ST6GALNAC1: variants seen among roughly 807,000 people sequenced by gnomAD.
ST6GALNAC1 encodes ST6 N-acetylgalactosaminide alpha-2,6-sialyltransferase 1.
A neutral mutation model predicts 56.8 loss-of-function variants in ST6GALNAC1; 45 were observed. The observed-to-expected ratio is 0.79, with a 90% CI of 0.62 to 1.02. The LOEUF is 1.02. Among genes scored for constraint, ST6GALNAC1 ranks in the 50% least tolerant of loss-of-function variants. The pLI is 0.00. For synonymous variants in ST6GALNAC1, 295 were observed against 297.8 expected (o/e 0.99, Z 0.10); for missense variants, 743 against 754.8 (o/e 0.98, Z 0.18).
intron 1 of ST6GALNAC1, among the ~76,000 whole-genome samples, chr17:76,638,886 T>C (rs560873134): frequency 6.7e-6 from 1 of 149,040 alleles, no homozygotes; most frequent in Admixed American, 6.7e-5. Context: ...GGCCTCAGAA[T>C]TGTCTTGAAG....
chr17:76,621,594 G>A (rs1379765108), downstream of ST6GALNAC1, among the ~76,000 whole-genome samples: 1 of 152,124 alleles, frequency 6.6e-6, no homozygotes, highest in Non-Finnish European at 1.5e-5. Flanking sequence ...TCCTGCCTCA[G>A]CCTCCCAAGT....
the ST6GALNAC1 span, among the ~76,000 whole-genome samples, chr17:76,619,164 A>G: frequency 6.6e-6 from 1 of 152,158 alleles, no homozygotes; most frequent in East Asian, 1.9e-4. Flanking sequence ...ACTTTCTAGA[A>G]CAATAAAATG....
chr17:76,639,638 AACACACACACACACACACACACAC>A (rs55706272), intron 1 of ST6GALNAC1, among the ~76,000 whole-genome samples: 59 of 125,244 alleles, frequency 4.7e-4, no homozygotes, highest in African/African-American at 1.3e-3. Context: ...TTACATGATA[AACACACACACACACACACACACAC>A]ACACACACAC....
At chr17:76,635,052 T>G (rs2075958890) in intron 1 of ST6GALNAC1, among the ~76,000 whole-genome samples, 1 of 152,230 alleles carries the variant, frequency 6.6e-6, no homozygotes, top group East Asian at 1.9e-4. Flanking sequence ...TAATTATCTT[T>G]GTATGCTGGA....
In ST6GALNAC1 at chr17:76,627,018, A is replaced by T. The variant is rs1466032575; in HGVS notation, c.1172+49T>A. On this transcript the variant is annotated intron_variant, in intron 4 of 8. Transcript: ENST00000156626. The surrounding 1 kb of genome is among the most constrained non-coding windows in gnomAD (Gnocchi z 4.4). The stretch of plus-strand genomic sequence containing the variant: ...AAGAGAGGGGCTGGAGGGGGGCTGG[A>T]GGGGGCAGGAGAGGGGCTGGAGAGG... 3 of 1,063,120 alleles carry T rather than the reference A, an allele frequency of 2.8e-6. No individual in the cohort carries two copies. The highest frequency in any genetic ancestry group is 1.1e-4 in the Admixed American group (2 of 18,340). 65.9% of individuals were successfully genotyped at this position (1,063,120 alleles called of 1,614,324 possible).
chr17:76,621,943 C>CTTTTTTTTTTTTTTTTT (rs71158041), downstream of ST6GALNAC1, among the ~76,000 whole-genome samples: 9 of 138,002 alleles, frequency 6.5e-5, no homozygotes, highest in Admixed American at 1.4e-4. Flanking sequence ...TCTTTCTTTT[C>CTTTTTTTTTTTTTTTTT]TTTTTTTTTT....
chr17:76,623,319 C>G (rs192595388), downstream of ST6GALNAC1, among the ~76,000 whole-genome samples: 2 of 152,172 alleles, frequency 1.3e-5, no homozygotes, highest in Admixed American at 1.3e-4. Context: ...GCTTTTCTTT[C>G]GCAGGTATTC....
rs185230754 is a variant in ST6GALNAC1 at position 76,630,852 on chromosome 17, G to A, written c.132-1141C>T. On this transcript the variant is annotated intron_variant, in intron 1 of 8. Transcript: ENST00000156626. ...GATCTGCCCACCTTGGCCTCCCAAG[G>A]TGCTGGGATTTTACAGGCGTGAGCC... Among the ~76,000 whole-genome samples, 6 of 150,662 alleles carry A rather than the reference G, an allele frequency of 4.0e-5. No individual in the cohort carries two copies. In the East Asian group the frequency reaches 9.8e-4, roughly 25 times the overall value.
chr17:76,634,644 G>A (rs561427033), intron 1 of ST6GALNAC1, among the ~76,000 whole-genome samples: 1 of 110,204 alleles, frequency 9.1e-6, no homozygotes, highest in East Asian at 2.7e-4. Flanking sequence ...GAGGCCGGGG[G>A]TGGGGGTGGG....
chr17:76,633,573 A>C (rs2075936818), intron 1 of ST6GALNAC1: 1 of 152,220 alleles, frequency 6.6e-6, no homozygotes, highest in African/African-American at 2.4e-5. Context: ...CGCACAATAA[A>C]AGAAACAGGA....
intron 2 of ST6GALNAC1, among the ~76,000 whole-genome samples, chr17:76,628,028 C>T (rs1374811328): frequency 6.9e-5 from 10 of 144,276 alleles, no homozygotes; most frequent in East Asian, 2.1e-4. Flanking sequence ...ACCCGGGAAG[C>T]GGAGCTTGCA....
At chr17:76,621,985 A>G (rs2075746287), downstream of ST6GALNAC1, among the ~76,000 whole-genome samples, 2 of 140,622 alleles carry the variant, frequency 1.4e-5, no homozygotes, top group East Asian at 4.2e-4. Flanking sequence ...TTTAATAGAG[A>G]CCAGGGTCTT....
chr17:76,620,131 C>T (rs977412210), downstream of ST6GALNAC1, among the ~76,000 whole-genome samples: 1 of 152,090 alleles, frequency 6.6e-6, no homozygotes, highest in African/African-American at 2.4e-5. Context: ...ACCTCTGCCC[C>T]TCGGGTTCAA....
chr17:76,620,019 C>A (rs1029708207), downstream of ST6GALNAC1, among the ~76,000 whole-genome samples: 2 of 151,788 alleles, frequency 1.3e-5, no homozygotes, highest in South Asian at 2.1e-4. Flanking sequence ...GCTGGGATTA[C>A]AGGCATGAGT....
chr17:76,626,098 G>C lies in ST6GALNAC1; in HGVS notation c.1416-3C>G, dbSNP rs200612139. 65 of 1,614,114 alleles carry C rather than the reference G, an allele frequency of 4.0e-5. No individual in the cohort carries two copies. The African/African-American group carries it at 8.0e-4, about 20-fold the overall frequency. On this transcript the variant is annotated splice_region_variant and splice_polypyrimidine_tract_variant and intron_variant, in intron 6 of 8. Coordinates refer to ENST00000156626, the MANE Select transcript of ST6GALNAC1 (RefSeq NM_018414.5). ...GAAAAGCTTCCTGGGGTCTGTGCCT[G>C]TGGTTAGGAAGGGGTCATTCAGACT...
At position 76,629,657 on chromosome 17, in the gene ST6GALNAC1, A is replaced by G; in HGVS notation, c.186T>C (p.Pro62=). 6.2e-7 allele frequency: 1 copy of G among 1,613,476 alleles called. No individual in the cohort carries two copies. Residue 62 remains proline, a synonymous_variant, in exon 2 of 9, where the codon CCT becomes CCC. Transcript: ENST00000156626. The part of the protein sequence containing the change: ...KERSLQSLAK[P]KSQAPTRARR... ...TTGCCCTTGTGGGTGCCTGGGACTTAGGCTTTGCCAGGGACTGTAGAGACC... is the reference window on the plus strand; with the variant it reads ...TTGCCCTTGTGGGTGCCTGGGACTTGGGCTTTGCCAGGGACTGTAGAGACC...
At chr17:76,623,358 G>A (rs60107379), downstream of ST6GALNAC1, among the ~76,000 whole-genome samples, 690 of 152,160 alleles carry the variant, frequency 4.5e-3, 8 homozygotes, top group African/African-American at 0.016. Context: ...TTATCCTTCC[G>A]TATGAATGTG....
chr17:76,626,139 G>A, intron 6 of ST6GALNAC1, 44 bp from the exon 7 acceptor site: 1 of 1,601,224 alleles, frequency 6.2e-7, no homozygotes, highest in Non-Finnish European at 8.6e-7. Flanking sequence ...CCCTTACCTG[G>A]TCTGGGGTGG....
chr17:76,622,108 C>T (rs7225503), downstream of ST6GALNAC1, among the ~76,000 whole-genome samples: 136,074 of 151,066 alleles, frequency 0.9, 61,825 homozygotes, highest in Non-Finnish European at 0.96. Flanking sequence ...CTGCATTTCT[C>T]ACTATGAGTC....
Sources: gnomAD v4.1 joint callset for allele counts (sites outside exome capture counted in the v4.1 genomes callset) on GRCh38, gnomAD v4.1.1 for gene constraint, Gnocchi (gnomAD v3.1) non-coding constraint, MANE v1.5 for transcripts, NCBI Gene and HGNC (gene_info 2026-07-23, HGNC 2026-07-21) for gene names.